Variants in RUNDC3B observed in about 807,000 individuals in gnomAD.
RUNDC3B encodes RUN domain containing 3B, also known as RUN domain-containing protein 3B.
RUNDC3B carries 33 observed loss-of-function variants against 58.4 expected under a neutral mutation model. The ratio of observed to expected loss-of-function variants is 0.56; its 90% confidence interval spans 0.43 to 0.75. The LOEUF is 0.75. RUNDC3B is among the 30% of genes least tolerant of loss of function. RUNDC3B has a pLI of 0.00. For missense variants in RUNDC3B, 501 were observed against 535.7 expected, an observed-to-expected ratio of 0.94 and a Z score of 0.64; for synonymous variants, 193 against 195.2, an observed-to-expected ratio of 0.99 and a Z score of 0.10.
intron 3 of RUNDC3B, among the ~76,000 whole-genome samples, chr7:87,704,033 G>A (rs1829376914): frequency 6.8e-6 from 1 of 146,326 alleles, no homozygotes; most frequent in African/African-American, 2.5e-5. Context: ...CAATTCTCCT[G>A]CCTCAACCTC....
chr7:87,751,261 C>A (rs1176654274), intron 6 of RUNDC3B, among the ~76,000 whole-genome samples: 3 of 152,018 alleles, frequency 2.0e-5, no homozygotes, highest in South Asian at 2.1e-4. Flanking sequence ...GTACCAGTAC[C>A]ATGCTGTTTT....
At chr7:87,664,008 G>T (rs528771938) in intron 2 of RUNDC3B, among the ~76,000 whole-genome samples, 3 of 152,080 alleles carry the variant, frequency 2.0e-5, no homozygotes, top group Non-Finnish European at 4.4e-5. Context: ...ATATATTGGG[G>T]ATAGGACTTA....
At chr7:87,817,717 A>G (rs1352657389) in intron 10 of RUNDC3B, among the ~76,000 whole-genome samples, 1 of 152,182 alleles carries the variant, frequency 6.6e-6, no homozygotes, top group East Asian at 1.9e-4. Context: ...AGCCCATGCC[A>G]GGCATGCTCT....
chr7:87,694,830 A>G (rs1337666138), intron 2 of RUNDC3B, among the ~76,000 whole-genome samples: 1 of 152,156 alleles, frequency 6.6e-6, no homozygotes, highest in Non-Finnish European at 1.5e-5. Context: ...TATTAAATTG[A>G]TTCAATATTC....
intron 10 of RUNDC3B, among the ~76,000 whole-genome samples, chr7:87,827,103 T>C (rs1206478980): frequency 6.6e-6 from 1 of 152,124 alleles, no homozygotes; most frequent in African/African-American, 2.4e-5. Context: ...ACAGTAAATA[T>C]AACTATATAC....
At chr7:87,754,221 C>A (rs1833216817) in intron 6 of RUNDC3B, among the ~76,000 whole-genome samples, 1 of 152,110 alleles carries the variant, frequency 6.6e-6, no homozygotes, top group Non-Finnish European at 1.5e-5. Context: ...GCAAAAGAAC[C>A]AAAATCATAC....
intron 1 of RUNDC3B, among the ~76,000 whole-genome samples, chr7:87,643,095 C>T (rs1196766920): frequency 1.3e-5 from 2 of 152,032 alleles, no homozygotes; most frequent in Non-Finnish European, 2.9e-5. Context: ...TTTTACATTT[C>T]CTTATAGAGA....
rs144894749 is a variant in RUNDC3B, at chr7:87,790,329, G to T, written c.956+12374G>T. On this transcript the variant is annotated intron_variant, in intron 8 of 10. Coordinates refer to ENST00000394654, the MANE Select transcript of RUNDC3B (RefSeq NM_001134405.2). ...AAACCACAGTGTTATTGGGCTTGGG[G>T]CCAACTCCCATTGACTACCTGGAAA... Among the ~76,000 whole-genome samples the T allele has an allele frequency of 2.0e-5, 3 of 152,278 alleles. No homozygotes were observed. The East Asian group carries it at 5.8e-4, about 29-fold the overall frequency.
At chr7:87,690,010 T>A (rs2130640054) in intron 2 of RUNDC3B, among the ~76,000 whole-genome samples, 1 of 152,186 alleles carries the variant, frequency 6.6e-6, no homozygotes, top group African/African-American at 2.4e-5. Context: ...TTAAATTTTT[T>A]ATAGAGACAG....
At chr7:87,725,251 C>T (rs1355341667) in intron 4 of RUNDC3B, among the ~76,000 whole-genome samples, 1 of 152,164 alleles carries the variant, frequency 6.6e-6, no homozygotes, top group African/African-American at 2.4e-5. Flanking sequence ...TCCCCGCACC[C>T]CACAACAGGC....
chr7:87,794,874 C>G (rs539226250), intron 8 of RUNDC3B, among the ~76,000 whole-genome samples: 1 of 152,120 alleles, frequency 6.6e-6, no homozygotes, highest in Non-Finnish European at 1.5e-5. Flanking sequence ...AATAAATACA[C>G]TGGGGAAAAA....
At chr7:87,775,824 T>C (rs563351141) in intron 7 of RUNDC3B, among the ~76,000 whole-genome samples, 1 of 152,228 alleles carries the variant, frequency 6.6e-6, no homozygotes, top group Non-Finnish European at 1.5e-5. Flanking sequence ...CTATACCATC[T>C]AGCCTAGTTG....
At chr7:87,673,236 T>G (rs1316406950) in intron 2 of RUNDC3B, among the ~76,000 whole-genome samples, 1 of 152,222 alleles carries the variant, frequency 6.6e-6, no homozygotes. Context: ...CAGGATTCTC[T>G]GCATATCTTG....
intron 2 of RUNDC3B, among the ~76,000 whole-genome samples, chr7:87,657,135 G>A (rs1362458311): frequency 6.6e-6 from 1 of 152,126 alleles, no homozygotes; most frequent in Non-Finnish European, 1.5e-5. Flanking sequence ...GACTCTGAAA[G>A]GTAGCGAGTA....
chr7:87,785,275 G>A (rs1835148923), intron 8 of RUNDC3B, among the ~76,000 whole-genome samples: 2 of 151,974 alleles, frequency 1.3e-5, no homozygotes, highest in South Asian at 4.2e-4. Context: ...AGGTACGACT[G>A]GTCAACAGAC....
rs1829992921 is a variant in RUNDC3B at position 87,710,667 on chromosome 7, C to T, written c.458+12C>T. On this transcript the variant is annotated intron_variant, in intron 4 of 10. Coordinates refer to ENST00000394654, the MANE Select transcript of RUNDC3B (RefSeq NM_001134405.2). ...TTCAAAACAACCAGGTTTAAAAGTC[C>T]TTTTAATTTTCTAATATATATTTGA... is the stretch of plus-strand genomic sequence containing the variant. 2 of 1,448,268 alleles carry T rather than the reference C, an allele frequency of 1.4e-6. No individual in the cohort carries two copies. Among genetic ancestry groups the T allele is most frequent in the African/African-American group, 1.4e-5 (1 of 69,990 alleles). The allele number at this position is 1,448,268 out of a possible 1,614,324, so 89.7% of individuals were successfully genotyped here. A position where few individuals can be genotyped will look rare whatever the true frequency, so the allele number is the denominator to read the frequency against.
intron 1 of RUNDC3B, chr7:87,629,154 A>G (rs1820942864): frequency 7.2e-6 from 3 of 417,496 alleles, no homozygotes; most frequent in Non-Finnish European, 1.2e-5. Flanking sequence ...TGTCAGTTCC[A>G]GTGCTGAAGG....
intron 2 of RUNDC3B, among the ~76,000 whole-genome samples, chr7:87,668,985 T>G (rs1264803368): frequency 6.6e-6 from 1 of 152,144 alleles, no homozygotes; most frequent in Non-Finnish European, 1.5e-5. Context: ...TAGAGGTGTA[T>G]CCGAGCCTTT....
At chr7:87,762,156 G>A (rs1833727198) in intron 6 of RUNDC3B, among the ~76,000 whole-genome samples, 1 of 151,380 alleles carries the variant, frequency 6.6e-6, no homozygotes, top group African/African-American at 2.4e-5. Flanking sequence ...TTGGTTTCTT[G>A]TTTGTTTTTA....
Sources: allele counts gnomAD v4.1 joint callset (sites outside exome capture counted in the v4.1 genomes callset), GRCh38; gene constraint gnomAD v4.1.1; transcripts MANE v1.5; gene names NCBI Gene and HGNC (gene_info 2026-07-23, HGNC 2026-07-21).